OGDH: variants seen among roughly 807,000 people sequenced by gnomAD.
The protein encoded by OGDH is 2-oxoglutarate dehydrogenase complex component E1.
A neutral mutation model predicts 116.6 loss-of-function variants in OGDH; 38 were observed. That is an observed-to-expected ratio of 0.33 (90% CI 0.25 to 0.43). The LOEUF (loss-of-function observed/expected upper bound fraction) is 0.43, where lower values mean the gene tolerates loss of function less well. OGDH is among the 20% of genes least tolerant of loss of function. OGDH has a pLI of 1.00. For missense variants in OGDH, 825 were observed against 1,357.2 expected, an observed-to-expected ratio of 0.61 and a Z score of 6.16; for synonymous variants, 488 against 533.3, an observed-to-expected ratio of 0.92 and a Z score of 1.17.
intron 18 of OGDH, among the ~76,000 whole-genome samples, chr7:44,698,465 G>A (rs1360264212): frequency 6.6e-6 from 1 of 152,142 alleles, no homozygotes; most frequent in African/African-American, 2.4e-5. Flanking sequence ...AGAGCACAGA[G>A]GAAGGTGCAG....
At chr7:44,701,405 G>T (rs1788824504) in intron 19 of OGDH, 138 bp from the exon 20 acceptor site, 8 of 696,164 alleles carry the variant, frequency 1.1e-5, no homozygotes, top group Non-Finnish European at 2.0e-5. Flanking sequence ...TGCCTCTTCT[G>T]ACCTGAGGCT....
chr7:44,613,363 T>C (rs1036134987), intron 1 of OGDH, among the ~76,000 whole-genome samples: 1 of 151,684 alleles, frequency 6.6e-6, no homozygotes, highest in African/African-American at 2.4e-5. Context: ...TGTTTATTTG[T>C]TTGTTTGTTT....
intron 4 of OGDH, among the ~76,000 whole-genome samples, chr7:44,650,354 C>G (rs1180775827): frequency 1.3e-5 from 2 of 152,152 alleles, no homozygotes; most frequent in Non-Finnish European, 2.9e-5. Flanking sequence ...GAGCCACACT[C>G]CCTGCATTGG....
At position 44,697,149 on chromosome 7, in the gene OGDH, G is replaced by A. The variant is rs1788623218; in HGVS notation, c.2051+85G>A. On this transcript the variant is annotated intron_variant, in intron 15 of 22. Coordinates refer to ENST00000222673, the MANE Select transcript of OGDH (RefSeq NM_002541.4). The surrounding 1 kb of genome is among the most constrained non-coding windows in gnomAD (Gnocchi z 6.0). ...TCTGGTGTTTCTTTTCCGGAAGACG[G>A]TTAGAAACCGGAAGAGTCACATTGC... The A allele has an allele frequency of 6.5e-7, 1 of 1,541,034 alleles. No individual in the cohort carries two copies.
In OGDH at chr7:44,696,120, C is replaced by G; in HGVS notation, c.1764C>G (p.Pro588=). The change falls in exon 13 of 23, where the codon CCC becomes CCG. Residue 588 remains proline, a synonymous_variant. Transcript: ENST00000222673. The stretch of plus-strand genomic sequence containing the variant: ...ACATTAAGCACTGGCTGGACTCTCC[C>G]TGGCCTGGTGAGTGAAGAAACAGTG... ...ILHIKHWLDS[P]WPGFFTLDGQ... 1 of 1,600,664 alleles carries G rather than the reference C, an allele frequency of 6.2e-7. No homozygotes were observed. The highest frequency in any genetic ancestry group is 8.6e-7 in the Non-Finnish European group (1 of 1,167,758).
intron 1 of OGDH, among the ~76,000 whole-genome samples, chr7:44,616,670 CGTATATAT>C (rs1429978558): frequency 2.8e-5 from 4 of 142,822 alleles, no homozygotes; most frequent in Admixed American, 7.1e-5. Context: ...TACGTATATA[CGTATATAT>C]ACACATATGT....
chr7:44,697,876 A>T lies in OGDH; in HGVS notation c.2358+94A>T. The T allele has an allele frequency of 7.1e-7, 1 of 1,407,988 alleles. No homozygotes were observed. The highest frequency in any genetic ancestry group is 9.5e-7 in the Non-Finnish European group (1 of 1,050,418). The allele number at this position is 1,407,988 out of a possible 1,614,324, so 87.2% of individuals were successfully genotyped here. On this transcript the variant is annotated intron_variant, in intron 17 of 22. Coordinates refer to ENST00000222673, the MANE Select transcript of OGDH (RefSeq NM_002541.4). This position sits in a 1 kb window ranked among gnomAD's most constrained non-coding sequence, Gnocchi z 6.0. ...AGACTGGCACGAGAGCCAGTGGCTC[A>T]CACCAGCCTCCTAAGGACTCTGCTG...
chr7:44,633,031 A>G (rs76623708), intron 2 of OGDH, among the ~76,000 whole-genome samples: 18,547 of 151,300 alleles, frequency 0.12, 2,208 homozygotes, highest in East Asian at 0.44. Context: ...AGGTGGGCAG[A>G]TCACGAGGTC....
chr7:44,617,774 A>T (rs570710048), intron 1 of OGDH, among the ~76,000 whole-genome samples: 9 of 152,220 alleles, frequency 5.9e-5, no homozygotes, highest in Non-Finnish European at 1.3e-4. Context: ...GCTAACACTC[A>T]TAGGGTTTAA....
chr7:44,615,887 A>C (rs939267999), intron 1 of OGDH, among the ~76,000 whole-genome samples: 18 of 152,146 alleles, frequency 1.2e-4, no homozygotes, highest in Non-Finnish European at 5.9e-5. Context: ...TTAGCCAGGC[A>C]TGGTGATGTG....
At chr7:44,681,549 G>T (rs943095715) in intron 9 of OGDH, among the ~76,000 whole-genome samples, 171 bp from the exon 10 acceptor site, 1 of 152,154 alleles carries the variant, frequency 6.6e-6, no homozygotes, top group Non-Finnish European at 1.5e-5. Flanking sequence ...ATATACCAAG[G>T]TGCTAGCATG....
At chr7:44,638,600 G>A (rs901829650) in intron 2 of OGDH, among the ~76,000 whole-genome samples, 1 of 152,184 alleles carries the variant, frequency 6.6e-6, no homozygotes, top group Non-Finnish European at 1.5e-5. Flanking sequence ...GCAACAGCAA[G>A]GGATAATTAG....
chr7:44,639,788 G>A (rs1196392812), intron 2 of OGDH, among the ~76,000 whole-genome samples: 2 of 152,206 alleles, frequency 1.3e-5, no homozygotes, highest in African/African-American at 2.4e-5. Flanking sequence ...TGAGCCAACT[G>A]GAGAGTGAAG....
At chr7:44,637,324 A>G (rs2115668436) in intron 2 of OGDH, among the ~76,000 whole-genome samples, 1 of 151,634 alleles carries the variant, frequency 6.6e-6, no homozygotes, top group East Asian at 1.9e-4. Flanking sequence ...CTCCCATCCC[A>G]CTTGTCTTAC....
intron 2 of OGDH, among the ~76,000 whole-genome samples, chr7:44,627,500 T>C (rs1228222564): frequency 6.6e-6 from 1 of 152,196 alleles, no homozygotes; most frequent in Non-Finnish European, 1.5e-5. Flanking sequence ...AGATAGATCA[T>C]CTATCTCATC....
rs755441505 is a variant in OGDH at position 44,681,860 on chromosome 7, C to T, written c.1335+12C>T. 3 of 1,613,966 alleles carry T rather than the reference C, an allele frequency of 1.9e-6. No individual in the cohort carries two copies. The East Asian group carries it at 6.7e-5, about 36-fold the overall frequency. On this transcript the variant is annotated intron_variant, in intron 10 of 22. Coordinates refer to ENST00000222673, the MANE Select transcript of OGDH (RefSeq NM_002541.4). ...TCGTCAACAACCAGGTACCTCACAC[C>T]AGCCTGCGGCTTTGCTGCTCACATC...
chr7:44,640,441 T>G (rs1385617538), intron 2 of OGDH, among the ~76,000 whole-genome samples: 1 of 149,106 alleles, frequency 6.7e-6, no homozygotes, highest in Non-Finnish European at 1.5e-5. Context: ...TATTGGTGGG[T>G]TTTTTTTGTT....
At chr7:44,671,619 T>G (rs1787458375) in intron 5 of OGDH, among the ~76,000 whole-genome samples, 1 of 143,588 alleles carries the variant, frequency 7.0e-6, no homozygotes, top group South Asian at 2.2e-4. Context: ...ACAAAAAAAA[T>G]TAGCCGGGCG....
chr7:44,629,563 C>T (rs1352096689), intron 2 of OGDH, among the ~76,000 whole-genome samples: 3 of 141,666 alleles, frequency 2.1e-5, no homozygotes, highest in African/African-American at 7.5e-5. Context: ...CTTTTCTTTC[C>T]TTTTTCTTTT....
Sources: allele counts gnomAD v4.1 joint callset (sites outside exome capture counted in the v4.1 genomes callset), GRCh38; gene constraint gnomAD v4.1.1; non-coding constraint Gnocchi (gnomAD v3.1); transcripts MANE v1.5; gene names NCBI Gene and HGNC (gene_info 2026-07-23, HGNC 2026-07-21).